TRMT11: variants seen among roughly 807,000 people sequenced by gnomAD.
TRMT11 encodes the protein tRNA methyltransferase 11, also known as tRNA (guanine(10)-N(2))-methyltransferase TRMT11.
TRMT11 carries 53 observed loss-of-function variants against 62.8 expected under a neutral mutation model. The ratio of observed to expected loss-of-function variants is 0.84; its 90% CI spans 0.68 to 1.06. The LOEUF (loss-of-function observed/expected upper bound fraction) is 1.06. TRMT11 is among the 50% of genes least tolerant of loss of function. The pLI, the probability that TRMT11 is intolerant of heterozygous loss-of-function variation, is 0.00. For synonymous variants in TRMT11, 188 were observed against 190.3 expected (o/e 0.99, Z 0.10); for missense variants, 556 against 553.4 (o/e 1.00, Z -0.05).
chr6:126,084,452 G>C (rs1318122776), intron 17 of TRMT11, among the ~76,000 whole-genome samples: 1 of 152,014 alleles, frequency 6.6e-6, no homozygotes, highest in Non-Finnish European at 1.5e-5. Context: ...CTCTTGAGTT[G>C]TATGAGTTCT....
Position 126,094,460 on chromosome 6 carries a change from C to T in TRMT11, c.*1438-18406C>T, listed in dbSNP as rs369443699. On this transcript the variant is annotated intron_variant and NMD_transcript_variant, in intron 17 of 22. Coordinates refer to the TRMT11 transcript ENST00000648977. ...AGGCTTAAGGAGCTTTAAATATTTG[C>T]GGCCCTGGTCACCTGAATTTGCCAT... 2.3e-4 allele frequency among the ~76,000 whole-genome samples: 35 copies of T among 152,216 alleles called. No individual in the cohort carries two copies. In the East Asian group the frequency reaches 4.1e-3, roughly 18 times the overall value.
chr6:126,006,848 A>G (rs1793430554), intron 7 of TRMT11: 1 of 152,006 alleles, frequency 6.6e-6, no homozygotes, highest in South Asian at 2.1e-4. Context: ...TCAGCAGTGT[A>G]CTTGTAAATT....
intron 1 of TRMT11, among the ~76,000 whole-genome samples, chr6:126,188,340 A>G (rs549481316): frequency 1.2e-4 from 18 of 152,222 alleles, no homozygotes; most frequent in African/African-American, 4.3e-4. Context: ...AGAACTTCAA[A>G]AAGAAAATAA....
At position 126,124,903 on chromosome 6, in the gene TRMT11, C is replaced by T. The variant is rs191831522; in HGVS notation, c.*1823+9048C>T. Among the ~76,000 whole-genome samples, 13 of 152,252 alleles carry T rather than the reference C, an allele frequency of 8.5e-5. No homozygotes were observed. In the East Asian group the frequency reaches 2.5e-3, roughly 30 times the overall value. On this transcript the variant is annotated intron_variant and NMD_transcript_variant, in intron 21 of 22. Transcript: ENST00000648977. ...AACAGATAATTACAGGGTTTCACCA[C>T]CATCCTCAGATGCAAATCTCTTTAG...
intron 1 of TRMT11, among the ~76,000 whole-genome samples, chr6:126,187,995 C>T (rs1467406176): frequency 6.6e-6 from 1 of 151,496 alleles, no homozygotes; most frequent in African/African-American, 2.4e-5. Flanking sequence ...ACAATAAAAG[C>T]TAGAACCATA....
At chr6:126,060,519 C>G (rs1776504099) in intron 17 of TRMT11, among the ~76,000 whole-genome samples, 1 of 152,162 alleles carries the variant, frequency 6.6e-6, no homozygotes, top group East Asian at 1.9e-4. Flanking sequence ...TGCCCTCTCT[C>G]CAGAGAGAAT....
At chr6:126,215,199 G>A in the TRMT11 span, among the ~76,000 whole-genome samples, 3 of 151,956 alleles carry the variant, frequency 2.0e-5, no homozygotes, top group African/African-American at 7.2e-5. Context: ...TATCTATTAG[G>A]TCAATTTGGC....
chr6:126,156,056 A>G (rs527287979), intron 21 of TRMT11, among the ~76,000 whole-genome samples: 239 of 152,184 alleles, frequency 1.6e-3, no homozygotes, highest in African/African-American at 5.6e-3. Context: ...TAAAGCTCCA[A>G]AATAATCCCC....
chr6:126,101,531 T>C (rs1777402161), intron 17 of TRMT11, among the ~76,000 whole-genome samples: 1 of 152,210 alleles, frequency 6.6e-6, no homozygotes, highest in Admixed American at 6.5e-5. Context: ...AGCTGGTAAG[T>C]TGTAGAGATG....
At chr6:126,160,476 G>A (rs1003028794) in intron 21 of TRMT11, among the ~76,000 whole-genome samples, 3 of 151,978 alleles carry the variant, frequency 2.0e-5, no homozygotes, top group Non-Finnish European at 2.9e-5. Flanking sequence ...GAGACTAGAA[G>A]GAAGGCAGAG....
intron 21 of TRMT11, among the ~76,000 whole-genome samples, chr6:126,151,732 CTTCCATCCTTCCTTCCCT>C (rs1265431833): frequency 1.3e-5 from 2 of 149,210 alleles, no homozygotes; most frequent in Admixed American, 6.6e-5. Context: ...CCCTCCCTCC[CTTCCATCCTTCCTTCCCT>C]TTCCTTCCTT....
the TRMT11 span, among the ~76,000 whole-genome samples, chr6:126,246,131 C>T: frequency 6.6e-6 from 1 of 151,818 alleles, no homozygotes; most frequent in Non-Finnish European, 1.5e-5. Flanking sequence ...AAAAAATTAG[C>T]CAGGTGTAGT....
At chr6:126,028,489 A>G (rs1027934360) in intron 12 of TRMT11, among the ~76,000 whole-genome samples, 2 of 152,152 alleles carry the variant, frequency 1.3e-5, no homozygotes, top group Non-Finnish European at 2.9e-5. Context: ...GACTTGAGGT[A>G]CTTAAAAAAG....
the TRMT11 span, among the ~76,000 whole-genome samples, chr6:126,223,263 T>C: frequency 6.6e-6 from 1 of 151,796 alleles, no homozygotes; most frequent in Non-Finnish European, 1.5e-5. Flanking sequence ...CTACTAAAAA[T>C]ACAAAAAATT....
At chr6:126,271,698 TG>T in the TRMT11 span, among the ~76,000 whole-genome samples, 1 of 152,152 alleles carries the variant, frequency 6.6e-6, no homozygotes, top group Admixed American at 6.5e-5. Flanking sequence ...TGACTGACAC[TG>T]TCATGAAGTG....
intron 17 of TRMT11, among the ~76,000 whole-genome samples, chr6:126,094,542 G>A (rs1228340544): frequency 6.6e-6 from 1 of 152,110 alleles, no homozygotes; most frequent in Non-Finnish European, 1.5e-5. Flanking sequence ...CAGACTTTCT[G>A]CCCAAACCTT....
the TRMT11 span, among the ~76,000 whole-genome samples, chr6:126,238,412 C>T: frequency 4.6e-5 from 7 of 152,052 alleles, 1 homozygote; most frequent in South Asian, 8.3e-4. Context: ...TATGTTGTAT[C>T]TTTGTTCTCG....
chr6:126,269,156 T>C, the TRMT11 span, among the ~76,000 whole-genome samples: 4 of 146,240 alleles, frequency 2.7e-5, no homozygotes, highest in Admixed American at 6.8e-5. Context: ...CCCAGCTACT[T>C]GGGAGGCTGA....
intron 1 of TRMT11, among the ~76,000 whole-genome samples, chr6:125,990,050 T>C (rs1790345044): frequency 6.6e-6 from 1 of 152,214 alleles, no homozygotes; most frequent in Non-Finnish European, 1.5e-5. Flanking sequence ...CTTTCTGTAG[T>C]TTTTCCTCCT....
Sources: allele counts gnomAD v4.1 joint callset (sites outside exome capture counted in the v4.1 genomes callset), GRCh38; gene constraint gnomAD v4.1.1; transcripts MANE v1.5; gene names NCBI Gene and HGNC (gene_info 2026-07-23, HGNC 2026-07-21).